Variants in GID4 observed in about 807,000 individuals in gnomAD.
The protein encoded by GID4 is GID complex subunit 4 homolog.
Under a neutral mutation model 32.4 loss-of-function variants are expected in GID4, and 7 were observed. That is an observed-to-expected ratio of 0.22 (90% confidence interval 0.12 to 0.41). The LOEUF is 0.41. Among genes scored for constraint, GID4 ranks in the 10% least tolerant of loss-of-function variants. GID4 has a pLI of 1.00. For missense variants in GID4, 309 were observed against 400.0 expected (o/e 0.77, Z 1.94); for synonymous variants, 166 against 170.0 (o/e 0.98, Z 0.18).
intron 3 of GID4, among the ~76,000 whole-genome samples, chr17:18,057,908 A>G (rs529684297): frequency 1.3e-4 from 19 of 151,546 alleles, no homozygotes; most frequent in Middle Eastern, 6.8e-3. Context: ...ATCTCGGCTC[A>G]TTGCAAGCTC....
In GID4 at chr17:18,039,653, C is replaced by T; in HGVS notation, c.189C>T (p.Ser63=). 7.4e-7 allele frequency: 1 copy of T among 1,357,562 alleles called. No homozygotes were observed. The allele number at this position is 1,357,562 out of a possible 1,614,324, so 84.1% of individuals were successfully genotyped here. A position where few individuals can be genotyped will look rare whatever the true frequency, so the allele number is the denominator to read the frequency against. ...GLSLPATLLG[S]RAAAAVPLPL... is the part of the protein sequence containing the mutation. ...CCCTCCCCGCCACCCTCCTCGGCTCCCGCGCGGCGGCGGCGGTTCCTCTCC... is the reference window on the plus strand; with the variant it reads ...CCCTCCCCGCCACCCTCCTCGGCTCTCGCGCGGCGGCGGCGGTTCCTCTCC... The change falls in exon 1 of 6, where the codon TCC becomes TCT. Residue 63 remains serine (S), a synonymous_variant. Coordinates refer to ENST00000268719, the MANE Select transcript of GID4 (RefSeq NM_024052.5). The surrounding 1 kb of genome is among the most constrained non-coding windows in gnomAD (Gnocchi z 5.3).
chr17:18,060,400 CA>C (rs919974638), intron 4 of GID4, among the ~76,000 whole-genome samples: 2,291 of 45,738 alleles, frequency 0.05, 22 homozygotes, highest in African/African-American at 0.14. Flanking sequence ...TCTGTCTCAC[CA>C]AAAAAAAAAA....
Position 18,047,804 on chromosome 17 carries a change from G to T in GID4, c.498+2598G>T, listed in dbSNP as rs546545691. Among the ~76,000 whole-genome samples the T allele has an allele frequency of 2.6e-5, 4 of 152,188 alleles. No homozygotes were observed. The South Asian group carries it at 8.3e-4, about 32-fold the overall frequency. ...TCTTTTTAAATAATGTTTTTTAGTAGCTTTATTGAGATAATTCACATACCA... is the reference window on the plus strand; with the variant it reads ...TCTTTTTAAATAATGTTTTTTAGTATCTTTATTGAGATAATTCACATACCA... On this transcript the variant is annotated intron_variant, in intron 2 of 5. Transcript: ENST00000268719.
At chr17:18,048,567 T>C (rs1437966712) in intron 2 of GID4, among the ~76,000 whole-genome samples, 1 of 152,204 alleles carries the variant, frequency 6.6e-6, no homozygotes, top group Admixed American at 6.5e-5. Context: ...CTACAATGAA[T>C]CTTTGAATAA....
At chr17:18,040,117 C>G (rs551910203) in intron 1 of GID4, among the ~76,000 whole-genome samples, 1 of 152,148 alleles carries the variant, frequency 6.6e-6, no homozygotes, top group South Asian at 2.1e-4. Flanking sequence ...CCCGTCGTGA[C>G]CGGCTCCTGG....
intron 5 of GID4, among the ~76,000 whole-genome samples, chr17:18,064,206 G>A (rs188354258): frequency 1.3e-5 from 2 of 152,200 alleles, no homozygotes; most frequent in Admixed American, 6.5e-5. Flanking sequence ...TAGGTCATAC[G>A]GTATTGCTAT....
intron 5 of GID4, among the ~76,000 whole-genome samples, chr17:18,063,381 G>T (rs750687606): frequency 2.0e-5 from 3 of 152,178 alleles, no homozygotes; most frequent in Non-Finnish European, 4.4e-5. Context: ...CTGCACTCCA[G>T]CCTGGGCGAC....
At chr17:18,051,878 T>C (rs2044913375) in intron 2 of GID4, among the ~76,000 whole-genome samples, 1 of 151,898 alleles carries the variant, frequency 6.6e-6, no homozygotes, top group Non-Finnish European at 1.5e-5. Context: ...ATCAAGACCG[T>C]CCTGGCTAAC....
intron 2 of GID4, among the ~76,000 whole-genome samples, chr17:18,053,589 C>A (rs1475181421): frequency 6.6e-6 from 1 of 151,980 alleles, no homozygotes. Flanking sequence ...TGCACTCCAG[C>A]CTGGGCGACA....
At position 18,045,149 on chromosome 17, in the gene GID4, C is replaced by A; in HGVS notation, c.441C>A (p.His147Gln). 1 of 1,612,244 alleles carries A rather than the reference C, an allele frequency of 6.2e-7. No individual in the cohort carries two copies. The highest frequency in any genetic ancestry group is 1.1e-5 in the South Asian group (1 of 91,048). Residue 147 changes from histidine (H) to glutamine (Q), a missense_variant and splice_region_variant, in exon 2 of 6, where the codon CAC (histidine) becomes CAA (glutamine). Around this residue, in one of 2 missense-constraint regions of GID4, gnomAD observed 116 missense variants for 214.2 expected, o/e 0.54. Coordinates refer to ENST00000268719, the MANE Select transcript of GID4 (RefSeq NM_024052.5). ...NSYDVEVVLQHVDTGNSYLCG... is the reference protein window; with the variant it reads ...NSYDVEVVLQQVDTGNSYLCG... The stretch of plus-strand genomic sequence containing the variant: ...GGCTGTGTATCCTTTCTTTTCAGCA[C>A]GTGGACACGGGGAACTCTTACCTTT...
rs2045067586 is a variant in GID4 at position 18,066,731 on chromosome 17, A to G, written c.*1488A>G. 6.6e-6 allele frequency: 1 copy of G among 152,166 alleles called. No homozygotes were observed. Among genetic ancestry groups the G allele is most frequent in the Admixed American group, 6.6e-5 (1 of 15,264 alleles). 9.4% of individuals were successfully genotyped at this position (152,166 alleles called of 1,614,324 possible). On this transcript the variant is annotated 3_prime_UTR_variant, in exon 6 of 6. Transcript: ENST00000268719. ...ATGTGAAGCCCTTCAGTGAGACGAGACGAGCAATGGGAAACCTTTTCTGTT... is the reference window on the plus strand; with the variant it reads ...ATGTGAAGCCCTTCAGTGAGACGAGGCGAGCAATGGGAAACCTTTTCTGTT...
At chr17:18,043,667 G>A (rs2044824115) in intron 1 of GID4, among the ~76,000 whole-genome samples, 3 of 152,192 alleles carry the variant, frequency 2.0e-5, no homozygotes, top group East Asian at 1.9e-4. Flanking sequence ...ATTTGCTTTG[G>A]TGCTGACATC....
rs1268075483 is a variant in GID4 at position 18,039,707 on chromosome 17, C to T, written c.243C>T (p.Asp81=). 7 of 1,482,710 alleles carry T rather than the reference C, an allele frequency of 4.7e-6. No homozygotes were observed. Among genetic ancestry groups the T allele is most frequent in the Non-Finnish European group, 6.3e-6 (7 of 1,115,678 alleles). 91.8% of individuals were successfully genotyped at this position (1,482,710 alleles called of 1,614,324 possible). The change falls in exon 1 of 6, where the codon GAC becomes GAT. Residue 81 remains aspartate (D), a synonymous_variant. Coordinates refer to ENST00000268719, the MANE Select transcript of GID4 (RefSeq NM_024052.5). This position sits in a 1 kb window ranked among gnomAD's most constrained non-coding sequence, Gnocchi z 5.3. ...TCCCCCCAGCCCTGGCTCCGGGGGA[C>T]CCCGCGATGCCGGTCCGCACCGAGT... The part of the protein sequence containing the change: ...LPLPPALAPG[D]PAMPVRTECP...
chr17:18,053,323 G>A (rs1250861683), intron 2 of GID4, among the ~76,000 whole-genome samples: 1 of 149,592 alleles, frequency 6.7e-6, no homozygotes, highest in Non-Finnish European at 1.5e-5. Flanking sequence ...AAAATAAAAG[G>A]TATTTTAGGC....
Position 18,065,168 on chromosome 17 carries a change from T to TC in GID4, c.840-7dup. The stretch of plus-strand genomic sequence containing the variant: ...ATGACTACCTCCCGTTTCTGTCTCC[T>TC]CCCCCTTGCAGGTATCAGTCCCTCA... On this transcript the variant is annotated splice_polypyrimidine_tract_variant and intron_variant, in intron 5 of 5. Coordinates refer to ENST00000268719, the MANE Select transcript of GID4 (RefSeq NM_024052.5). 1.9e-6 allele frequency: 3 copies of TC among 1,609,532 alleles called. No individual in the cohort carries two copies. The highest frequency in any genetic ancestry group is 2.6e-6 in the Non-Finnish European group (3 of 1,175,884).
intron 2 of GID4, among the ~76,000 whole-genome samples, chr17:18,045,999 C>T (rs1237711930): frequency 1.3e-5 from 2 of 152,136 alleles, no homozygotes; most frequent in Admixed American, 6.5e-5. Context: ...GTTTTTAAAC[C>T]TCAGAACTCC....
At chr17:18,046,985 G>C (rs1185438393) in intron 2 of GID4, among the ~76,000 whole-genome samples, 1 of 151,740 alleles carries the variant, frequency 6.6e-6, no homozygotes, top group African/African-American at 2.4e-5. Context: ...CTTGTTCTGG[G>C]GGTAAGGAAA....
At chr17:18,045,811 C>T (rs2044847480) in intron 2 of GID4, among the ~76,000 whole-genome samples, 1 of 150,636 alleles carries the variant, frequency 6.6e-6, no homozygotes. Context: ...CAGAGAATCA[C>T]TTGAACCAGA....
chr17:18,061,702 C>G lies in GID4; in HGVS notation c.709-143C>G. 1 of 766,626 alleles carries G rather than the reference C, an allele frequency of 1.3e-6. No homozygotes were observed. Among genetic ancestry groups the G allele is most frequent in the Non-Finnish European group, 2.2e-6 (1 of 459,730 alleles). 47.5% of individuals were successfully genotyped at this position (766,626 alleles called of 1,614,324 possible). Reference sequence around the variant, plus strand: ...GTCAGGCTGAGACCCCACGGGCCCGCCATCACCCAGCAAGTCTAGGTTAGA... The same window carrying G: ...GTCAGGCTGAGACCCCACGGGCCCGGCATCACCCAGCAAGTCTAGGTTAGA... On this transcript the variant is annotated intron_variant, in intron 4 of 5. Coordinates refer to ENST00000268719, the MANE Select transcript of GID4 (RefSeq NM_024052.5). This position sits in a 1 kb window ranked among gnomAD's most constrained non-coding sequence, Gnocchi z 4.4.
Sources: gnomAD v4.1 joint callset for allele counts (sites outside exome capture counted in the v4.1 genomes callset) on GRCh38, gnomAD v4.1.1 for gene constraint, gnomAD v4.1.1 regional missense constraint, Gnocchi (gnomAD v3.1) non-coding constraint, MANE v1.5 for transcripts, NCBI Gene and HGNC (gene_info 2026-07-23, HGNC 2026-07-21) for gene names.